Variants in PPP5C observed in about 807,000 individuals in gnomAD.
PPP5C encodes the protein serine/threonine-protein phosphatase 5.
In PPP5C, 21 loss-of-function variants were observed where a neutral mutation model predicts 66.7. That is an observed-to-expected ratio of 0.31 (90% CI 0.22 to 0.45). The LOEUF (loss-of-function observed/expected upper bound fraction) is 0.45. Ranked by LOEUF, PPP5C falls within the 20% of genes least tolerant of loss-of-function variation. The probability of loss-of-function intolerance (pLI) is 1.00; values close to 1 mark genes in which losing one functional copy is unlikely to be tolerated. For synonymous variants in PPP5C, 246 were observed against 257.4 expected, an observed-to-expected ratio of 0.96 and a Z score of 0.43; for missense variants, 464 against 675.9, an observed-to-expected ratio of 0.69 and a Z score of 3.48.
intron 1 of PPP5C, among the ~76,000 whole-genome samples, chr19:46,350,175 G>C (rs1972158633): frequency 6.6e-6 from 1 of 152,176 alleles, no homozygotes; most frequent in African/African-American, 2.4e-5. Context: ...GGGCAGGAGA[G>C]GCCAGACCAG....
At chr19:46,352,476 A>G (rs535582725) in intron 1 of PPP5C, among the ~76,000 whole-genome samples, 68 of 152,278 alleles carry the variant, frequency 4.5e-4, no homozygotes, top group African/African-American at 1.5e-3. Context: ...AGAGGTCACC[A>G]TGGCATGGGG....
chr19:46,367,222 A>G (rs554092587), intron 2 of PPP5C, among the ~76,000 whole-genome samples: 1 of 152,256 alleles, frequency 6.6e-6, no homozygotes, highest in Non-Finnish European at 1.5e-5. Context: ...CTTAGGAATT[A>G]TCCCTGCTTC....
rs1433042578 is a variant in PPP5C, at chr19:46,375,828, T to G, written c.511+77T>G. On this transcript the variant is annotated intron_variant, in intron 3 of 12. Transcript: ENST00000012443. ...CCTTCTCCATTCCCTGGGGGTGGGG[T>G]TGGGCTCAGGGGTGGCCCCTTGTTC... 10 of 1,503,504 alleles carry G rather than the reference T, an allele frequency of 6.7e-6. No individual in the cohort carries two copies. In the South Asian group the frequency reaches 1.2e-4, roughly 18 times the overall value. 93.1% of individuals were successfully genotyped at this position (1,503,504 alleles called of 1,614,324 possible).
rs1355186031 is a variant in PPP5C at position 46,387,466 on chromosome 19, G to A, written c.1135+13G>A. ...CCCCCAGATTCAGGTGAGCAGCGCG[G>A]GGCCAGGTGTCTCCAGCAGAAAGGG... On this transcript the variant is annotated intron_variant, in intron 9 of 12. Coordinates refer to ENST00000012443, the MANE Select transcript of PPP5C (RefSeq NM_006247.4). 3 of 1,613,856 alleles carry A rather than the reference G, an allele frequency of 1.9e-6. No homozygotes were observed. Among genetic ancestry groups the A allele is most frequent in the Non-Finnish European group, 2.5e-6 (3 of 1,179,840 alleles).
Position 46,390,550 on chromosome 19 carries a change from A to T in PPP5C, c.*204A>T. 1 of 1,401,716 alleles carries T rather than the reference A, an allele frequency of 7.1e-7. No homozygotes were observed. The highest frequency in any genetic ancestry group is 2.6e-5 in the East Asian group (1 of 38,004). The allele number at this position is 1,401,716 out of a possible 1,614,324, so 86.8% of individuals were successfully genotyped here. On this transcript the variant is annotated 3_prime_UTR_variant, in exon 13 of 13. Coordinates refer to ENST00000012443, the MANE Select transcript of PPP5C (RefSeq NM_006247.4). ...GCCAGAGGGTCTGCTCCCTGGACAG[A>T]GAGGAAGGAGGTGGAGCAGCTGGGG...
Position 46,390,070 on chromosome 19 carries a change from G to T in PPP5C, c.1375G>T (p.Ala459Ser). Residue 459 changes from alanine to serine, a missense_variant, in exon 12 of 13, where the codon GCC becomes TCC. By Grantham distance (99) the Ala-to-Ser change is moderately conservative. Coordinates refer to ENST00000012443, the MANE Select transcript of PPP5C (RefSeq NM_006247.4). ...CTGCAGCGACCAGATGGGGAACAAAGCCTCCTACATCCACCTCCAGGGCTC... is the reference window on the plus strand; with the variant it reads ...CTGCAGCGACCAGATGGGGAACAAATCCTCCTACATCCACCTCCAGGGCTC... ...PNYCDQMGNK[A>S]SYIHLQGSDL... The T allele has an allele frequency of 6.2e-7, 1 of 1,614,088 alleles. No homozygotes were observed. Among genetic ancestry groups the T allele is most frequent in the Non-Finnish European group, 8.5e-7 (1 of 1,180,004 alleles).
At position 46,383,830 on chromosome 19, in the gene PPP5C, C is replaced by T; in HGVS notation, c.750C>T (p.Leu250=). 6.2e-7 allele frequency: 1 copy of T among 1,614,090 alleles called. No individual in the cohort carries two copies. Among genetic ancestry groups the T allele is most frequent in the Non-Finnish European group, 8.5e-7 (1 of 1,179,962 alleles). The stretch of plus-strand genomic sequence containing the variant: ...ACACCCATGGCCAGTTCTATGACCT[C>T]CTCAACATATTCGAGCTCAACGGTT... The part of the protein sequence containing the change: ...CGDTHGQFYD[L]LNIFELNGLP... The change falls in exon 6 of 13, where the codon CTC becomes CTT. Residue 250 remains leucine (L), a synonymous_variant. Transcript: ENST00000012443. This position sits in a 1 kb window ranked among gnomAD's most constrained non-coding sequence, Gnocchi z 5.0.
In PPP5C at chr19:46,389,362, A is replaced by AACACAC. The variant is rs57181889; in HGVS notation, c.1356-595_1356-590dup. On this transcript the variant is annotated intron_variant, in intron 11 of 12. Transcript: ENST00000012443. ...GGGCAAGAGTAAGACTCCATCTCAA[A>AACACAC]ACACACACACACACACACACACACA... 6.1e-5 allele frequency among the ~76,000 whole-genome samples: 6 copies of AACACAC among 98,050 alleles called. 1 individual carries two copies. Among genetic ancestry groups the AACACAC allele is most frequent in the East Asian group, 6.8e-4 (2 of 2,924 alleles). The allele number at this position is 98,050 out of a possible 152,430, so 64.3% of individuals were successfully genotyped here. A position where few individuals can be genotyped will look rare whatever the true frequency, so the allele number is the denominator to read the frequency against.
At chr19:46,350,433 A>T (rs1972163627) in intron 1 of PPP5C, among the ~76,000 whole-genome samples, 2 of 152,032 alleles carry the variant, frequency 1.3e-5, no homozygotes, top group South Asian at 4.1e-4. Context: ...CATTGGGAGG[A>T]GCCTGTTGCC....
chr19:46,369,474 T>C (rs1972546297), intron 2 of PPP5C, among the ~76,000 whole-genome samples: 1 of 150,812 alleles, frequency 6.6e-6, no homozygotes, highest in Admixed American at 6.6e-5. Context: ...CTACTAAATA[T>C]ACAAAAAATT....
intron 1 of PPP5C, among the ~76,000 whole-genome samples, chr19:46,353,298 A>T (rs1049310402): frequency 1.3e-5 from 2 of 152,102 alleles, no homozygotes; most frequent in African/African-American, 4.8e-5. Flanking sequence ...CCACACTTAG[A>T]ACATCAGTGT....
rs1163316921 is a variant in PPP5C at position 46,375,587 on chromosome 19, C to G, written c.364-17C>G. 4.3e-6 allele frequency: 7 copies of G among 1,613,356 alleles called. No individual in the cohort carries two copies. The highest frequency in any genetic ancestry group is 5.1e-6 in the Non-Finnish European group (6 of 1,179,654). On this transcript the variant is annotated splice_polypyrimidine_tract_variant and intron_variant, in intron 2 of 12. Coordinates refer to ENST00000012443, the MANE Select transcript of PPP5C (RefSeq NM_006247.4). ...CCACCTCAGCCTCAGTGTGCACGCCCCTTCCCTCCCACCCAGGTGGTCAAG... is the reference window on the plus strand; with the variant it reads ...CCACCTCAGCCTCAGTGTGCACGCCGCTTCCCTCCCACCCAGGTGGTCAAG...
chr19:46,352,875 C>T (rs1015856911), intron 1 of PPP5C, among the ~76,000 whole-genome samples: 2 of 151,640 alleles, frequency 1.3e-5, no homozygotes, highest in Non-Finnish European at 2.9e-5. Flanking sequence ...CCTTGAGCAC[C>T]GGCCTTTCTT....
intron 1 of PPP5C, among the ~76,000 whole-genome samples, chr19:46,352,413 C>A (rs1972203522): frequency 6.6e-6 from 1 of 152,210 alleles, no homozygotes; most frequent in Non-Finnish European, 1.5e-5. Flanking sequence ...AGGGACTGGG[C>A]CCAGGCCACC....
At chr19:46,365,899 G>A (rs1460346147) in intron 2 of PPP5C, among the ~76,000 whole-genome samples, 5 of 152,130 alleles carry the variant, frequency 3.3e-5, no homozygotes, top group Non-Finnish European at 5.9e-5. Context: ...ACTGTGACCC[G>A]GGCCTCCTGC....
At chr19:46,349,826 GGA>G (rs921228926) in intron 1 of PPP5C, among the ~76,000 whole-genome samples, 282 of 151,958 alleles carry the variant, frequency 1.9e-3, no homozygotes, top group African/African-American at 6.5e-3. Context: ...GTGGCTGCCT[GGA>G]GAGAGGGTGG....
At chr19:46,377,023 C>G (rs1283373901) in intron 4 of PPP5C, among the ~76,000 whole-genome samples, 1 of 152,192 alleles carries the variant, frequency 6.6e-6, no homozygotes, top group Non-Finnish European at 1.5e-5. Flanking sequence ...GACTCAGGCT[C>G]TGGTATCCCA....
At chr19:46,359,102 G>A (rs1049902419) in intron 2 of PPP5C, among the ~76,000 whole-genome samples, 11 of 152,020 alleles carry the variant, frequency 7.2e-5, no homozygotes, top group African/African-American at 2.4e-4. Flanking sequence ...GGTGTCCCTC[G>A]TCACTAGGAA....
intron 11 of PPP5C, among the ~76,000 whole-genome samples, chr19:46,389,399 A>AGTGTTGAGTAAGACTCCATCT (rs1312817758): frequency 1.9e-4 from 4 of 20,824 alleles, no homozygotes; most frequent in Admixed American, 5.0e-4. Context: ...ACACACACAC[A>AGTGTTGAGTAAGACTCCATCT]CACACACACA....
Sources: gnomAD v4.1 joint callset for allele counts (sites outside exome capture counted in the v4.1 genomes callset) on GRCh38, gnomAD v4.1.1 for gene constraint, Gnocchi (gnomAD v3.1) non-coding constraint, MANE v1.5 for transcripts, NCBI Gene and HGNC (gene_info 2026-07-23, HGNC 2026-07-21) for gene names.